Variants in TMEM132B observed in about 807,000 individuals in gnomAD.
The protein encoded by TMEM132B is transmembrane protein 132B.
A neutral mutation model predicts 90.8 loss-of-function variants in TMEM132B; 18 were observed. The ratio of observed to expected loss-of-function variants is 0.20; its 90% confidence interval spans 0.14 to 0.29. The LOEUF (loss-of-function observed/expected upper bound fraction) is 0.29. Among genes scored for constraint, TMEM132B ranks in the 10% least tolerant of loss-of-function variants. The pLI is 1.00. For synonymous variants in TMEM132B, 504 were observed against 523.3 expected (o/e 0.96, Z 0.50); for missense variants, 1,096 against 1,326.8 (o/e 0.83, Z 2.70).
chr12:125,610,559 C>A (rs895554883), intron 5 of TMEM132B, among the ~76,000 whole-genome samples: 1 of 151,946 alleles, frequency 6.6e-6, no homozygotes, highest in African/African-American at 2.4e-5. Context: ...TTTCTGATGT[C>A]AAACTAACCC....
intron 5 of TMEM132B, among the ~76,000 whole-genome samples, chr12:125,622,062 C>T (rs2136971809): frequency 6.6e-6 from 1 of 152,302 alleles, no homozygotes; most frequent in East Asian, 1.9e-4. Flanking sequence ...GCTGAGGTCC[C>T]TTTCAGCAGG....
At chr12:125,189,395 C>A (rs1245340466) in intron 1 of TMEM132B, among the ~76,000 whole-genome samples, 1 of 152,154 alleles carries the variant, frequency 6.6e-6, no homozygotes, top group Non-Finnish European at 1.5e-5. Flanking sequence ...GGGTGGAGCA[C>A]CCCCACCTGC....
chr12:125,334,138 T>G (rs936441750), intron 1 of TMEM132B, among the ~76,000 whole-genome samples: 2 of 152,220 alleles, frequency 1.3e-5, no homozygotes, highest in Admixed American at 6.5e-5. Context: ...ATTAAAATCT[T>G]AAATCATTAG....
At position 125,221,685 on chromosome 12, in the gene TMEM132B, G is replaced by A. The variant is rs186650850; in HGVS notation, c.67+34819G>A. ...CTTGAAATGGCCTTGGAGATAACTGGCCTACCTAAAACAAAGTGATTAAAC... is the reference window on the plus strand; with the variant it reads ...CTTGAAATGGCCTTGGAGATAACTGACCTACCTAAAACAAAGTGATTAAAC... On this transcript the variant is annotated intron_variant, in intron 1 of 8. Coordinates refer to ENST00000682704, the MANE Select transcript of TMEM132B (RefSeq NM_001366854.1). 7.2e-5 allele frequency among the ~76,000 whole-genome samples: 11 copies of A among 152,306 alleles called. No individual in the cohort carries two copies. In the East Asian group the frequency reaches 2.1e-3, roughly 29 times the overall value.
intron 5 of TMEM132B, among the ~76,000 whole-genome samples, chr12:125,634,359 A>ATG (rs1256710175): frequency 2.0e-5 from 3 of 152,138 alleles, no homozygotes; most frequent in Non-Finnish European, 4.4e-5. Context: ...AGGCCCAAAA[A>ATG]TGCCATCCAA....
At chr12:125,239,726 C>T (rs1452583954) in intron 1 of TMEM132B, among the ~76,000 whole-genome samples, 1 of 152,222 alleles carries the variant, frequency 6.6e-6, no homozygotes, top group African/African-American at 2.4e-5. Context: ...CTACCCTCTG[C>T]TCATCCTCCC....
At chr12:125,546,283 T>G (rs1884090977) in intron 4 of TMEM132B, among the ~76,000 whole-genome samples, 2 of 151,984 alleles carry the variant, frequency 1.3e-5, no homozygotes, top group African/African-American at 4.8e-5. Context: ...CCTGGGTTCA[T>G]GCCATTCTCC....
At chr12:125,336,660 A>G (rs1320358105) in intron 1 of TMEM132B, among the ~76,000 whole-genome samples, 1 of 152,218 alleles carries the variant, frequency 6.6e-6, no homozygotes, top group East Asian at 1.9e-4. Flanking sequence ...TTGCACGATA[A>G]CAAGTCACGC....
At chr12:125,591,700 G>C (rs1457266764) in intron 5 of TMEM132B, among the ~76,000 whole-genome samples, 8 of 152,128 alleles carry the variant, frequency 5.3e-5, no homozygotes, top group Admixed American at 3.9e-4. Context: ...GAGGAGAATC[G>C]TTCCTTGCCT....
At chr12:125,323,540 C>T (rs1394771592) in intron 1 of TMEM132B, among the ~76,000 whole-genome samples, 2 of 150,226 alleles carry the variant, frequency 1.3e-5, no homozygotes, top group Non-Finnish European at 3.0e-5. Flanking sequence ...TTTTTTGAGA[C>T]AGGGTCTCTC....
chr12:125,389,456 T>C (rs972987039), intron 2 of TMEM132B, among the ~76,000 whole-genome samples: 1 of 151,816 alleles, frequency 6.6e-6, no homozygotes, highest in African/African-American at 2.4e-5. Flanking sequence ...CTCTTCCTGC[T>C]CTCTAGCCCT....
intron 2 of TMEM132B, among the ~76,000 whole-genome samples, chr12:125,400,810 G>C (rs1879297195): frequency 6.6e-6 from 1 of 152,188 alleles, no homozygotes; most frequent in African/African-American, 2.4e-5. Flanking sequence ...CCCAGGCTGG[G>C]CTTATCTCAG....
At chr12:125,374,148 G>A (rs1878396976) in intron 2 of TMEM132B, among the ~76,000 whole-genome samples, 1 of 152,202 alleles carries the variant, frequency 6.6e-6, no homozygotes, top group South Asian at 2.1e-4. Flanking sequence ...GCCACTCCTT[G>A]GCAGATGTGT....
chr12:125,548,151 T>C (rs1191280563), intron 4 of TMEM132B, among the ~76,000 whole-genome samples: 1 of 152,072 alleles, frequency 6.6e-6, no homozygotes, highest in Non-Finnish European at 1.5e-5. Context: ...GTGGAGTGAA[T>C]GGGTCACACC....
At chr12:125,550,730 G>A (rs1002557226) in intron 4 of TMEM132B, among the ~76,000 whole-genome samples, 5 of 152,156 alleles carry the variant, frequency 3.3e-5, no homozygotes, top group African/African-American at 1.2e-4. Flanking sequence ...AATTTAGGCT[G>A]GTGGTTCTTC....
intron 3 of TMEM132B, among the ~76,000 whole-genome samples, chr12:125,417,251 T>C (rs1325036926): frequency 6.6e-6 from 1 of 152,182 alleles, no homozygotes; most frequent in Non-Finnish European, 1.5e-5. Context: ...TGTCCCTTTT[T>C]ACCAGGGAGG....
Position 125,349,310 on chromosome 12 carries a change from A to C in TMEM132B, c.68-142A>C, listed in dbSNP as rs1310841043. The C allele has an allele frequency of 8.0e-6, 7 of 869,852 alleles. No individual in the cohort carries two copies. Among genetic ancestry groups the C allele is most frequent in the Non-Finnish European group, 1.2e-5 (7 of 577,414 alleles). 53.9% of individuals were successfully genotyped at this position (869,852 alleles called of 1,614,324 possible). On this transcript the variant is annotated intron_variant, in intron 1 of 8. Coordinates refer to ENST00000682704, the MANE Select transcript of TMEM132B (RefSeq NM_001366854.1). The surrounding 1 kb of genome is among the most constrained non-coding windows in gnomAD (Gnocchi z 4.1). ...TGAAGACCATACTTTATATAATTAC[A>C]GGGCTTTCACTGTGATGAGACCTGG...
intron 1 of TMEM132B, among the ~76,000 whole-genome samples, chr12:125,263,288 A>AT (rs1874610445): frequency 6.6e-6 from 1 of 152,180 alleles, no homozygotes; most frequent in Non-Finnish European, 1.5e-5. Context: ...GCTGGACAGT[A>AT]TGGAGAGGTA....
chr12:125,312,540 C>T (rs1027679047), intron 1 of TMEM132B, among the ~76,000 whole-genome samples: 1 of 152,226 alleles, frequency 6.6e-6, no homozygotes, highest in Non-Finnish European at 1.5e-5. Flanking sequence ...GTAGATGTCC[C>T]AGCGTCCTCT....
Sources: gnomAD v4.1 joint callset for allele counts (sites outside exome capture counted in the v4.1 genomes callset) on GRCh38, gnomAD v4.1.1 for gene constraint, Gnocchi (gnomAD v3.1) non-coding constraint, MANE v1.5 for transcripts, NCBI Gene and HGNC (gene_info 2026-07-23, HGNC 2026-07-21) for gene names.